MYO1F: variants seen among roughly 807,000 people sequenced by gnomAD.
MYO1F encodes unconventional myosin-If.
In MYO1F, 60 loss-of-function variants were observed where a neutral mutation model predicts 146.6. That is an observed-to-expected ratio of 0.41 (90% CI 0.33 to 0.51). The LOEUF (loss-of-function observed/expected upper bound fraction) is 0.51, where lower values mean the gene tolerates loss of function less well. Ranked by LOEUF, MYO1F falls within the 20% of genes least tolerant of loss-of-function variation. MYO1F has a pLI of 0.25. For synonymous variants in MYO1F, 602 were observed against 602.1 expected, an observed-to-expected ratio of 1.00 and a Z score of 0.00; for missense variants, 1,274 against 1,534.3, an observed-to-expected ratio of 0.83 and a Z score of 2.83.
At chr19:8,541,689 A>G (rs1308478209) in intron 15 of MYO1F, 6 of 575,980 alleles carry the variant, frequency 1.0e-5, no homozygotes, top group Non-Finnish European at 6.3e-6. Context: ...TCGGCCTCCC[A>G]AAGTGCTGGG....
chr19:8,576,895 C>A (rs1039323533), intron 1 of MYO1F: 18 of 296,352 alleles, frequency 6.1e-5, no homozygotes, highest in African/African-American at 3.5e-4. Context: ...AATATGACAT[C>A]TGTGGGAACC....
intron 12 of MYO1F, among the ~76,000 whole-genome samples, chr19:8,546,175 C>G (rs1448465729): frequency 6.6e-6 from 1 of 150,758 alleles, no homozygotes; most frequent in Non-Finnish European, 1.5e-5. Context: ...AGCGATTCTC[C>G]TGCCTCAGCC....
intron 8 of MYO1F, chr19:8,551,508 C>G: frequency 1.8e-6 from 1 of 541,424 alleles, no homozygotes; most frequent in Non-Finnish European, 3.3e-6. Context: ...CACGCCACCA[C>G]ATCTGGCTAA....
chr19:8,541,042 G>T (rs1326790587), intron 15 of MYO1F, among the ~76,000 whole-genome samples: 18 of 151,950 alleles, frequency 1.2e-4, no homozygotes, highest in Admixed American at 1.1e-3. Context: ...GGAGTGCAGT[G>T]GTGCAATCAC....
chr19:8,552,661 GCAAA>G (rs1271154605), intron 6 of MYO1F, among the ~76,000 whole-genome samples: 4 of 152,020 alleles, frequency 2.6e-5, no homozygotes, highest in African/African-American at 9.7e-5. Context: ...TTATGGATGA[GCAAA>G]CAGAGGAAAC....
intron 21 of MYO1F, among the ~76,000 whole-genome samples, chr19:8,528,853 C>T (rs942240539): frequency 2.0e-5 from 3 of 152,074 alleles, no homozygotes; most frequent in African/African-American, 7.2e-5. Context: ...TGTATCTGAA[C>T]TCTATGAGTT....
chr19:8,562,050 T>A (rs1974159146), intron 1 of MYO1F, among the ~76,000 whole-genome samples: 1 of 151,862 alleles, frequency 6.6e-6, no homozygotes, highest in African/African-American at 2.4e-5. Context: ...TTTTGTTTTT[T>A]TTGAGATGGA....
intron 17 of MYO1F, 58 bp from the exon 18 acceptor site, chr19:8,536,655 G>C (rs750003470): frequency 1.1e-6 from 1 of 914,982 alleles, no homozygotes; most frequent in African/African-American, 1.8e-5. Context: ...TCCTGGGGGT[G>C]GGTGGGAGGT....
chr19:8,529,887 T>G (rs1972410002), intron 21 of MYO1F: 6 of 535,602 alleles, frequency 1.1e-5, no homozygotes, highest in Non-Finnish European at 2.0e-5. Flanking sequence ...TAGATACCTG[T>G]GGGCAGGTGT....
At chr19:8,526,233 A>T (rs1287457195) in intron 24 of MYO1F, among the ~76,000 whole-genome samples, 1 of 152,174 alleles carries the variant, frequency 6.6e-6, no homozygotes, top group African/African-American at 2.4e-5. Flanking sequence ...AGGCTGAGGC[A>T]AGACAATCGC....
intron 1 of MYO1F, among the ~76,000 whole-genome samples, chr19:8,558,665 G>A (rs1973954755): frequency 6.6e-6 from 1 of 152,140 alleles, no homozygotes; most frequent in Non-Finnish European, 1.5e-5. Context: ...ACAGATAGGA[G>A]TGATGGCAAC....
intron 1 of MYO1F, among the ~76,000 whole-genome samples, chr19:8,566,952 C>T (rs1369435048): frequency 2.0e-5 from 3 of 152,068 alleles, no homozygotes; most frequent in African/African-American, 7.2e-5. Context: ...GCTAGGATTA[C>T]AGGCGTAAGC....
Position 8,526,938 on chromosome 19 carries a change from G to A in MYO1F, c.2475-3C>T, listed in dbSNP as rs753548882. 3 of 1,613,732 alleles carry A rather than the reference G, an allele frequency of 1.9e-6. No individual in the cohort carries two copies. The highest frequency in any genetic ancestry group is 2.2e-5 in the South Asian group (2 of 91,084). ...TGAAGAAGTCGTCCTGTCGCGTGCT[G>A]GGGAGGGGCGGGTGAGAGCGTCAGG... On this transcript the variant is annotated splice_polypyrimidine_tract_variant and splice_region_variant and intron_variant, in intron 22 of 27. Transcript: ENST00000644032.
rs200794296 is a variant in MYO1F at position 8,540,076 on chromosome 19, C to T, written c.1611-48G>A. On this transcript the variant is annotated intron_variant, in intron 15 of 27. Coordinates refer to ENST00000644032, the MANE Select transcript of MYO1F (RefSeq NM_012335.4). The stretch of plus-strand genomic sequence containing the variant: ...GGAGTTGGAGGTATGGCTAGACTTT[C>T]GGGTACTCTTCCTCCAGGGGTGGGG... 296 of 1,503,902 alleles carry T rather than the reference C, an allele frequency of 2.0e-4. No individual in the cohort carries two copies. The African/African-American group carries it at 2.6e-3, about 13-fold the overall frequency. 93.2% of individuals were successfully genotyped at this position (1,503,902 alleles called of 1,614,324 possible).
intron 2 of MYO1F, among the ~76,000 whole-genome samples, chr19:8,554,975 G>A (rs1973783739): frequency 6.6e-6 from 1 of 152,056 alleles, no homozygotes; most frequent in African/African-American, 2.4e-5. Flanking sequence ...CTTGAGGTCA[G>A]GAGTTTGAGA....
rs1463217992 is a variant in MYO1F at position 8,522,806 on chromosome 19, G to A, written c.2878C>T (p.Pro960Ser). The A allele has an allele frequency of 3.8e-6, 6 of 1,586,380 alleles. No individual in the cohort carries two copies. The African/African-American group carries it at 4.0e-5, about 11-fold the overall frequency. The change falls in exon 26 of 28, where the codon CCC (proline) becomes TCC (serine). Residue 960 changes from proline (P) to serine (S), a missense_variant. Transcript: ENST00000644032. The stretch of plus-strand genomic sequence containing the variant: ...GGCAGGGGGCCCCCTCTGGCAGAGG[G>A]GGGCACCCCATTGCGATCCATGCCT... ...PRGMDRNGVP[P>S]SARGGPLPLE...
intron 1 of MYO1F, among the ~76,000 whole-genome samples, chr19:8,556,716 C>T (rs1055861784): frequency 2.4e-4 from 37 of 151,202 alleles, no homozygotes; most frequent in African/African-American, 9.0e-4. Flanking sequence ...GGAGAAACCC[C>T]GTCTATACTA....
chr19:8,552,666 CAG>C (rs1200311084), intron 6 of MYO1F, among the ~76,000 whole-genome samples: 2 of 151,956 alleles, frequency 1.3e-5, no homozygotes, highest in South Asian at 2.1e-4. Flanking sequence ...GATGAGCAAA[CAG>C]AGGAAACTCA....
rs747571133 is a variant in MYO1F at position 8,542,002 on chromosome 19, C to G, written c.1525-11G>C. 16 of 1,610,156 alleles carry G rather than the reference C, an allele frequency of 9.9e-6. No individual in the cohort carries two copies. The highest frequency in any genetic ancestry group is 1.4e-5 in the Non-Finnish European group (16 of 1,177,386). On this transcript the variant is annotated splice_polypyrimidine_tract_variant and intron_variant, in intron 14 of 27. Coordinates refer to ENST00000644032, the MANE Select transcript of MYO1F (RefSeq NM_012335.4). ...GACGTCGTAGGAGACCTGGAGGGGA[C>G]AGTGCTGAGGACAGTGAGGGACTGA...
Sources: allele counts gnomAD v4.1 joint callset (sites outside exome capture counted in the v4.1 genomes callset), GRCh38; gene constraint gnomAD v4.1.1; transcripts MANE v1.5; gene names NCBI Gene and HGNC (gene_info 2026-07-23, HGNC 2026-07-21).